The following HPF1 variants were observed in gnomAD, a reference collection of about 807,000 sequenced individuals.
The protein encoded by HPF1 is histone PARylation factor 1.
Under a neutral mutation model 38.8 loss-of-function variants are expected in HPF1, and 35 were observed. That is an observed-to-expected ratio of 0.90 (90% CI 0.69 to 1.19). The LOEUF (loss-of-function observed/expected upper bound fraction) is 1.19, where lower values mean the gene tolerates loss of function less well. Among genes scored for constraint, HPF1 ranks in the 50% most tolerant of loss-of-function variants. HPF1 has a pLI of 0.00. For synonymous variants in HPF1, 115 were observed against 139.2 expected, an observed-to-expected ratio of 0.83 and a Z score of 1.22; for missense variants, 367 against 405.8, an observed-to-expected ratio of 0.90 and a Z score of 0.82.
intron 5 of HPF1, 54 bp downstream of exon 5, chr4:169,741,903 G>C: frequency 6.7e-7 from 1 of 1,487,454 alleles, no homozygotes; most frequent in Non-Finnish European, 9.3e-7. Context: ...AAGGAATCAA[G>C]AGGGGAAAAA....
At position 169,742,588 on chromosome 4, in the gene HPF1, C is replaced by T. The variant is rs940485931; in HGVS notation, c.498-481G>A. ...CGGGCGGATCATGAGGTCAGGAGAT[C>T]AAGACCATCCTGGCTAACAAGGTGA... On this transcript the variant is annotated intron_variant, in intron 4 of 7. Transcript: ENST00000393381. Among the ~76,000 whole-genome samples the T allele has an allele frequency of 1.7e-4, 26 of 152,226 alleles. No individual in the cohort carries two copies. In the East Asian group the frequency reaches 2.7e-3, roughly 16 times the overall value.
intron 5 of HPF1, among the ~76,000 whole-genome samples, chr4:169,740,837 TGTG>T (rs1733959661): frequency 6.6e-6 from 1 of 152,110 alleles, no homozygotes; most frequent in Non-Finnish European, 1.5e-5. Context: ...AATCATAGCT[TGTG>T]GTAGAAAAAT....
intron 6 of HPF1, chr4:169,732,136 G>GT: frequency 4.3e-6 from 1 of 230,340 alleles, no homozygotes; most frequent in South Asian, 6.8e-5. Context: ...TTACAGTCAC[G>GT]ATTTTTTTTT....
At chr4:169,740,580 T>TA (rs1733956055) in intron 5 of HPF1, among the ~76,000 whole-genome samples, 1 of 152,132 alleles carries the variant, frequency 6.6e-6, no homozygotes, top group Non-Finnish European at 1.5e-5. Context: ...ACAAAAACAA[T>TA]AAAAGAACAA....
intron 7 of HPF1, among the ~76,000 whole-genome samples, chr4:169,731,098 G>A (rs180930526): frequency 2.4e-4 from 36 of 152,238 alleles, no homozygotes; most frequent in Non-Finnish European, 4.1e-4. Context: ...TTTACAACCA[G>A]TTTGGCCCCA....
chr4:169,740,106 AGT>A (rs1305189757), intron 5 of HPF1, among the ~76,000 whole-genome samples: 1 of 152,224 alleles, frequency 6.6e-6, no homozygotes, highest in African/African-American at 2.4e-5. Context: ...AGGTGGATGG[AGT>A]GCCACACCAT....
At chr4:169,756,634 G>C (rs1455065424) in intron 1 of HPF1, among the ~76,000 whole-genome samples, 1 of 152,170 alleles carries the variant, frequency 6.6e-6, no homozygotes. Flanking sequence ...TATCGGGGTT[G>C]TTACAAGGAA....
In HPF1 at chr4:169,729,490, AT is replaced by A; in HGVS notation, c.*87del. The A allele has an allele frequency of 8.7e-7, 1 of 1,146,748 alleles. No homozygotes were observed. The highest frequency in any genetic ancestry group is 3.3e-5 in the South Asian group (1 of 30,418). The allele number at this position is 1,146,748 out of a possible 1,614,324, so 71.0% of individuals were successfully genotyped here. ...TTATAAACGTTTTTAGTAAATGTTT[AT>A]TTTTTGTATTCCTTAAAAACAAAAC... On this transcript the variant is annotated 3_prime_UTR_variant, in exon 8 of 8. Coordinates refer to ENST00000393381, the MANE Select transcript of HPF1 (RefSeq NM_017867.3).
intron 6 of HPF1, among the ~76,000 whole-genome samples, chr4:169,735,454 C>A (rs950482499): frequency 5.3e-5 from 8 of 152,162 alleles, no homozygotes; most frequent in African/African-American, 1.9e-4. Flanking sequence ...ATGACACTGG[C>A]AAGAGCAAGA....
intron 4 of HPF1, 42 bp from the exon 5 acceptor site, chr4:169,742,149 G>A (rs376027620): frequency 3.8e-6 from 6 of 1,573,956 alleles, no homozygotes; most frequent in South Asian, 2.2e-5. Context: ...GCAGGCCACT[G>A]TACTAAGTAC....
chr4:169,730,647 G>C (rs1234260514), intron 7 of HPF1, among the ~76,000 whole-genome samples: 1 of 152,206 alleles, frequency 6.6e-6, no homozygotes, highest in African/African-American at 2.4e-5. Context: ...CTGCCAGTGA[G>C]CGTTTGGACA....
intron 2 of HPF1, among the ~76,000 whole-genome samples, chr4:169,753,430 A>T (rs746341559): frequency 6.6e-6 from 1 of 152,150 alleles, no homozygotes; most frequent in Non-Finnish European, 1.5e-5. Flanking sequence ...TCAAGGAGGG[A>T]TCCTCCCATC....
intron 7 of HPF1, among the ~76,000 whole-genome samples, chr4:169,730,082 T>C (rs1327487334): frequency 6.6e-6 from 1 of 152,240 alleles, no homozygotes; most frequent in Non-Finnish European, 1.5e-5. Flanking sequence ...AGAATAGCTA[T>C]GCTGAAAGTT....
chr4:169,732,982 C>T (rs576123647), intron 6 of HPF1, among the ~76,000 whole-genome samples: 5 of 152,264 alleles, frequency 3.3e-5, no homozygotes, highest in African/African-American at 1.2e-4. Context: ...ACTAAGACAA[C>T]TGGATTAAAA....
At chr4:169,756,291 G>T (rs1163021019) in intron 1 of HPF1, among the ~76,000 whole-genome samples, 1 of 152,158 alleles carries the variant, frequency 6.6e-6, no homozygotes, top group Non-Finnish European at 1.5e-5. Context: ...GAAGAGAAGG[G>T]ATTTAAACTC....
At chr4:169,739,974 A>T (rs2150290405) in intron 5 of HPF1, among the ~76,000 whole-genome samples, 1 of 152,344 alleles carries the variant, frequency 6.6e-6, no homozygotes, top group Admixed American at 6.5e-5. Context: ...CTAATTGTCC[A>T]TGAAGAGGAA....
Position 169,750,527 on chromosome 4 carries a change from A to C in HPF1, c.398+9T>G. ...GCTGTATTTTAGAGGCGAAGAAAAG[A>C]TCCTTTACCTGAAATACCCCATGTG... On this transcript the variant is annotated intron_variant, in intron 3 of 7. Transcript: ENST00000393381. 6.4e-7 allele frequency: 1 copy of C among 1,568,144 alleles called. No individual in the cohort carries two copies. The highest frequency in any genetic ancestry group is 8.7e-7 in the Non-Finnish European group (1 of 1,153,804).
At chr4:169,740,898 A>C (rs1330656142) in intron 5 of HPF1, among the ~76,000 whole-genome samples, 1 of 152,216 alleles carries the variant, frequency 6.6e-6, no homozygotes, top group Non-Finnish European at 1.5e-5. Context: ...ATGTGTACGG[A>C]TGCTCAGACT....
intron 3 of HPF1, among the ~76,000 whole-genome samples, chr4:169,750,188 G>A (rs1734099582): frequency 2.0e-5 from 3 of 152,248 alleles, no homozygotes; most frequent in African/African-American, 2.4e-5. Flanking sequence ...TAATAAACAA[G>A]AGGACCAGTG....
Sources: gnomAD v4.1 joint callset for allele counts (sites outside exome capture counted in the v4.1 genomes callset) on GRCh38, gnomAD v4.1.1 for gene constraint, MANE v1.5 for transcripts, NCBI Gene and HGNC (gene_info 2026-07-23, HGNC 2026-07-21) for gene names.